IST1: variants seen among roughly 807,000 people sequenced by gnomAD.
The protein encoded by IST1 is IST1 factor associated with ESCRT-III.
A neutral mutation model predicts 37.0 loss-of-function variants in IST1; 23 were observed. The ratio of observed to expected loss-of-function variants is 0.62; its 90% CI spans 0.45 to 0.88. The LOEUF (loss-of-function observed/expected upper bound fraction) is 0.88. Among genes scored for constraint, IST1 ranks in the 40% least tolerant of loss-of-function variants. The pLI, the probability that IST1 is intolerant of heterozygous loss-of-function variation, is 0.00. For synonymous variants in IST1, 180 were observed against 161.7 expected (o/e 1.11, Z -0.86); for missense variants, 488 against 445.4 (o/e 1.10, Z -0.86).
chr16:71,916,695 G>C (rs2037474799), intron 3 of IST1, 53 bp downstream of exon 3: 5 of 1,457,076 alleles, frequency 3.4e-6, no homozygotes, highest in Non-Finnish European at 4.8e-6. Flanking sequence ...TGAGAAAGGA[G>C]TAATATGATC....
intron 1 of IST1, among the ~76,000 whole-genome samples, chr16:71,899,064 T>C (rs1220857650): frequency 1.3e-5 from 2 of 152,234 alleles, no homozygotes; most frequent in Admixed American, 1.3e-4. Context: ...TGAAGATACT[T>C]TCTTTATGCC....
chr16:71,922,145 A>G (rs572995362), intron 6 of IST1, among the ~76,000 whole-genome samples: 3 of 152,254 alleles, frequency 2.0e-5, no homozygotes, highest in African/African-American at 7.2e-5. Flanking sequence ...GTCTCAAAAA[A>G]AAAAACCATC....
At chr16:71,896,761 C>T (rs538469105) in intron 1 of IST1, among the ~76,000 whole-genome samples, 2 of 152,084 alleles carry the variant, frequency 1.3e-5, no homozygotes, top group South Asian at 4.1e-4. Context: ...GGGATGATCA[C>T]TTGAGCTTGG....
At chr16:71,912,177 G>T (rs1029237713) in intron 1 of IST1, among the ~76,000 whole-genome samples, 1 of 152,078 alleles carries the variant, frequency 6.6e-6, no homozygotes, top group East Asian at 1.9e-4. Flanking sequence ...TATAGTTTAG[G>T]TAATTTTTCC....
Position 71,928,377 on chromosome 16 carries a change from A to C in IST1, c.*564A>C. On this transcript the variant is annotated 3_prime_UTR_variant, in exon 10 of 10. Transcript: ENST00000378799. Reference sequence around the variant, plus strand: ...GGGCCCTCTCATTGGCATATACAGTACTCCTCGCTGCAGGGCACTGTCCCA... The same window carrying C: ...GGGCCCTCTCATTGGCATATACAGTCCTCCTCGCTGCAGGGCACTGTCCCA... 1 of 155,648 alleles carries C rather than the reference A, an allele frequency of 6.4e-6. No homozygotes were observed. The highest frequency in any genetic ancestry group is 1.4e-5 in the Non-Finnish European group (1 of 70,202). The allele number at this position is 155,648 out of a possible 1,614,324, so 9.6% of individuals were successfully genotyped here. A position where few individuals can be genotyped will look rare whatever the true frequency, so the allele number is the denominator to read the frequency against.
rs1567471458 is a variant in IST1 at position 71,921,179 on chromosome 16, CCT to C, written c.442-161_442-160del. On this transcript the variant is annotated intron_variant, in intron 5 of 9. Transcript: ENST00000378799. The stretch of plus-strand genomic sequence containing the variant: ...GAGAATGTGAAAGAGAGACTTGGGT[CCT>C]CTGATGTGTCTTGTGACTCTGAAAA... 5.2e-4 allele frequency: 315 copies of C among 610,650 alleles called. 5 individuals carry two copies. In the South Asian group the frequency reaches 6.0e-3, roughly 12 times the overall value. 37.8% of individuals were successfully genotyped at this position (610,650 alleles called of 1,614,324 possible).
At chr16:71,909,920 A>G (rs1427668103) in intron 1 of IST1, among the ~76,000 whole-genome samples, 1 of 152,224 alleles carries the variant, frequency 6.6e-6, no homozygotes, top group Non-Finnish European at 1.5e-5. Flanking sequence ...TTACCTTATT[A>G]ATCATGGGTA....
rs1004292004 is a variant in IST1, at chr16:71,929,534, A to G, written c.*1721A>G. 1.3e-6 allele frequency: 2 copies of G among 1,546,226 alleles called. No individual in the cohort carries two copies. The highest frequency in any genetic ancestry group is 1.7e-6 in the Non-Finnish European group (2 of 1,145,590). ...AATACTAAGCCAAGTAGGAGATAAC[A>G]GGATTAAGGTAGTTCATCTAAAACT... On this transcript the variant is annotated 3_prime_UTR_variant, in exon 10 of 10. Coordinates refer to ENST00000378799, the MANE Select transcript of IST1 (RefSeq NM_001270975.2).
intron 3 of IST1, 23 bp from the exon 4 acceptor site, chr16:71,917,024 T>A: frequency 6.8e-7 from 1 of 1,479,434 alleles, no homozygotes; most frequent in Non-Finnish European, 9.4e-7. Flanking sequence ...AAGAATGTTA[T>A]ATTAATTTTT....
chr16:71,924,863 T>C (rs768529430), intron 9 of IST1, 46 bp downstream of exon 9: 1 of 1,287,194 alleles, frequency 7.8e-7, no homozygotes, highest in South Asian at 1.2e-5. Context: ...TGCTGAACCC[T>C]CTGCTGTTTT....
chr16:71,905,641 A>C (rs1354779163), intron 1 of IST1, among the ~76,000 whole-genome samples: 1 of 152,126 alleles, frequency 6.6e-6, no homozygotes, highest in African/African-American at 2.4e-5. Flanking sequence ...TGGCCTTCCA[A>C]AGTGCTGGGA....
chr16:71,922,729 A>C (rs1467202113), intron 7 of IST1, 49 bp downstream of exon 7: 2 of 1,468,720 alleles, frequency 1.4e-6, no homozygotes, highest in Admixed American at 2.0e-5. Flanking sequence ...GTTATAGATA[A>C]CAAGTTGGCT....
At chr16:71,896,267 G>T (rs1324472946) in intron 1 of IST1, among the ~76,000 whole-genome samples, 1 of 152,100 alleles carries the variant, frequency 6.6e-6, no homozygotes, top group African/African-American at 2.4e-5. Context: ...TGACCTCTTG[G>T]AACTCAACAG....
chr16:71,910,803 A>T (rs530804698), intron 1 of IST1, among the ~76,000 whole-genome samples: 1 of 151,684 alleles, frequency 6.6e-6, no homozygotes, highest in South Asian at 2.1e-4. Flanking sequence ...TTTTGTAAAT[A>T]TTCATCAATT....
chr16:71,911,851 G>C (rs777809037), intron 1 of IST1, among the ~76,000 whole-genome samples: 3 of 151,642 alleles, frequency 2.0e-5, no homozygotes, highest in Non-Finnish European at 4.4e-5. Context: ...GGAGTAGCTG[G>C]AACTACAGGC....
At chr16:71,896,195 G>T (rs2036967267) in intron 1 of IST1, among the ~76,000 whole-genome samples, 1 of 152,078 alleles carries the variant, frequency 6.6e-6, no homozygotes. Context: ...AGAGGTCTTG[G>T]AAGGATCCTT....
At chr16:71,918,795 CAG>C (rs745491926) in intron 4 of IST1, among the ~76,000 whole-genome samples, 8 of 152,100 alleles carry the variant, frequency 5.3e-5, no homozygotes, top group Non-Finnish European at 1.0e-4. Context: ...AAGCCATAAA[CAG>C]AGTGATAAAT....
intron 1 of IST1, among the ~76,000 whole-genome samples, chr16:71,898,477 A>C (rs1469177599): frequency 6.6e-6 from 1 of 150,882 alleles, no homozygotes; most frequent in African/African-American, 2.4e-5. Flanking sequence ...TGAGGTTAGG[A>C]GTTCAAGACC....
In IST1 at chr16:71,898,933, C is replaced by T. The variant is rs996866105; in HGVS notation, c.-16+3344C>T. 2.0e-5 allele frequency among the ~76,000 whole-genome samples: 3 copies of T among 148,700 alleles called. No homozygotes were observed. The South Asian group carries it at 6.4e-4, about 31-fold the overall frequency. The stretch of plus-strand genomic sequence containing the variant: ...TGAGCCGAGATGGCACCGCTGCACT[C>T]CAGCCTGGGCAGCAGAGCAAGCCTC... On this transcript the variant is annotated intron_variant, in intron 1 of 9. Transcript: ENST00000378799.
Sources: allele counts gnomAD v4.1 joint callset (sites outside exome capture counted in the v4.1 genomes callset), GRCh38; gene constraint gnomAD v4.1.1; transcripts MANE v1.5; gene names NCBI Gene and HGNC (gene_info 2026-07-23, HGNC 2026-07-21).